Variants in MAST1 observed in about 807,000 individuals in gnomAD.
MAST1 encodes microtubule-associated serine/threonine-protein kinase 1.
MAST1 carries 40 observed loss-of-function variants against 124.6 expected under a neutral mutation model. The observed-to-expected ratio is 0.32, with a 90% confidence interval of 0.25 to 0.42. The LOEUF is 0.42. MAST1 is among the 10% of genes least tolerant of loss of function. MAST1 has a pLI of 1.00. For missense variants in MAST1, 1,558 were observed against 2,181.9 expected (o/e 0.71, Z 5.70); for synonymous variants, 938 against 939.4 (o/e 1.00, Z 0.03).
In MAST1 at chr19:12,871,186, T is replaced by A. The variant is rs775674595; in HGVS notation, c.3263+14T>A. On this transcript the variant is annotated intron_variant, in intron 24 of 25. Coordinates refer to ENST00000251472, the MANE Select transcript of MAST1 (RefSeq NM_014975.3). ...GGGCCAGGAGAGGTGGGCACAGCCG[T>A]AAACAGCCTGGTCTTTGAGCAGTGG... 1.2e-6 allele frequency: 2 copies of A among 1,613,648 alleles called. No homozygotes were observed. Among genetic ancestry groups the A allele is most frequent in the Non-Finnish European group, 1.7e-6 (2 of 1,179,902 alleles).
chr19:12,873,285 T>C (rs1241771761), intron 24 of MAST1, 39 bp from the exon 25 acceptor site: 5 of 1,589,090 alleles, frequency 3.1e-6, no homozygotes, highest in Non-Finnish European at 3.4e-6. Flanking sequence ...AGCTCTGGCG[T>C]CCAGGTCAAG....
chr19:12,845,259 C>T (rs556466833), intron 4 of MAST1, among the ~76,000 whole-genome samples: 1 of 151,432 alleles, frequency 6.6e-6, no homozygotes, highest in African/African-American at 2.4e-5. Context: ...GCCAAGACTG[C>T]ACCACTGCAC....
intron 24 of MAST1, 155 bp from the exon 25 acceptor site, chr19:12,873,169 G>C (rs1970259645): frequency 1.4e-6 from 1 of 695,370 alleles, no homozygotes; most frequent in South Asian, 1.8e-5. Flanking sequence ...GCAGCACTGA[G>C]CTAAAGGAAG....
At chr19:12,869,864 C>T (rs1970209275) in intron 22 of MAST1, among the ~76,000 whole-genome samples, 1 of 151,308 alleles carries the variant, frequency 6.6e-6, no homozygotes, top group Admixed American at 6.6e-5. Context: ...ACTAGCCTGG[C>T]CAATATGGTG....
chr19:12,871,018 C>G lies in MAST1; in HGVS notation c.3127-18C>G, dbSNP rs368421395. ...TGAGCAGCCCCTAGCAGAGCATTTT[C>G]CCGCATTCTTCCCCCAGAGTGGCAA... On this transcript the variant is annotated intron_variant, in intron 23 of 25. Transcript: ENST00000251472. 46 of 1,613,996 alleles carry G rather than the reference C, an allele frequency of 2.9e-5. No homozygotes were observed. Among genetic ancestry groups the G allele is most frequent in the Non-Finnish European group, 3.6e-5 (42 of 1,180,014 alleles).
At chr19:12,864,146 C>T (rs1386084898) in intron 12 of MAST1, among the ~76,000 whole-genome samples, 1 of 151,996 alleles carries the variant, frequency 6.6e-6, no homozygotes, top group Admixed American at 6.6e-5. Context: ...AGGCTGGTCT[C>T]GAACTCCTGA....
Position 12,867,524 on chromosome 19 carries a change from A to G in MAST1, c.2190A>G (p.Val730=). 6.2e-7 allele frequency: 1 copy of G among 1,613,806 alleles called. No homozygotes were observed. Among genetic ancestry groups the G allele is most frequent in the Admixed American group, 1.7e-5 (1 of 60,008 alleles). ...QLSQHEPKTP[V]AAAGSSKREP... Reference sequence around the variant, plus strand: ...CGCAGCACGAGCCCAAGACCCCAGTAGCAGCTGCAGGGAGCAGCAAGCGGG... The same window carrying G: ...CGCAGCACGAGCCCAAGACCCCAGTGGCAGCTGCAGGGAGCAGCAAGCGGG... The change falls in exon 19 of 26, where the codon GTA becomes GTG. Residue 730 remains valine (V), a synonymous_variant. Coordinates refer to ENST00000251472, the MANE Select transcript of MAST1 (RefSeq NM_014975.3).
rs369972111 is a variant in MAST1 at position 12,865,972 on chromosome 19, C to T, written c.1907-8C>T. 6.2e-7 allele frequency: 1 copy of T among 1,613,594 alleles called. No homozygotes were observed. The highest frequency in any genetic ancestry group is 8.5e-7 in the Non-Finnish European group (1 of 1,179,922). ...CATCAGCTGTGGCTGGAATCCCTTC[C>T]GTCCCAGGCGGCGCTTTTGAGGTGA... On this transcript the variant is annotated splice_region_variant and splice_polypyrimidine_tract_variant and intron_variant, in intron 16 of 25. Coordinates refer to ENST00000251472, the MANE Select transcript of MAST1 (RefSeq NM_014975.3). This position sits in a 1 kb window ranked among gnomAD's most constrained non-coding sequence, Gnocchi z 7.1.
At chr19:12,854,392 C>T (rs531749728) in intron 10 of MAST1, among the ~76,000 whole-genome samples, 1 of 152,154 alleles carries the variant, frequency 6.6e-6, no homozygotes, top group African/African-American at 2.4e-5. Context: ...CAAAGTGCTG[C>T]GATTACAGGC....
intron 20 of MAST1, among the ~76,000 whole-genome samples, 158 bp downstream of exon 20, chr19:12,868,135 G>T (rs191508685): frequency 2.6e-4 from 18 of 69,200 alleles, no homozygotes; most frequent in African/African-American, 1.1e-3. Context: ...TTGAGACAGA[G>T]TCTCACTCCA....
chr19:12,861,932 A>T lies in MAST1; in HGVS notation c.1367-2877A>T, dbSNP rs374704594. Among the ~76,000 whole-genome samples the T allele has an allele frequency of 1.5e-4, 22 of 143,114 alleles. No individual in the cohort carries two copies. The East Asian group carries it at 3.7e-3, about 24-fold the overall frequency. 93.9% of individuals were successfully genotyped at this position (143,114 alleles called of 152,430 possible). A position where few individuals can be genotyped will look rare whatever the true frequency, so the allele number is the denominator to read the frequency against. Reference sequence around the variant, plus strand: ...TGGTCAGGCTGGTCTCAAACTCCACACCTCATGATCTGTCTGCCTCGGCCT... The same window carrying T: ...TGGTCAGGCTGGTCTCAAACTCCACTCCTCATGATCTGTCTGCCTCGGCCT... On this transcript the variant is annotated intron_variant, in intron 12 of 25. Transcript: ENST00000251472.
In MAST1 at chr19:12,843,328, G is replaced by A. The variant is rs546233358; in HGVS notation, c.249-201G>A. ...GGACCGTGGGGAGGAGAGTGGAGAC[G>A]GATCCTCCCTCCAATTCCCGGTGCC... On this transcript the variant is annotated intron_variant, in intron 3 of 25. Coordinates refer to ENST00000251472, the MANE Select transcript of MAST1 (RefSeq NM_014975.3). The surrounding 1 kb of genome is among the most constrained non-coding windows in gnomAD (Gnocchi z 4.9). 1.3e-5 allele frequency among the ~76,000 whole-genome samples: 2 copies of A among 152,054 alleles called. No homozygotes were observed. The highest frequency in any genetic ancestry group is 1.9e-4 in the East Asian group (1 of 5,166).
chr19:12,869,716 G>C (rs150009894), intron 22 of MAST1, among the ~76,000 whole-genome samples: 1 of 151,826 alleles, frequency 6.6e-6, no homozygotes, highest in Admixed American at 6.6e-5. Flanking sequence ...GATTACAGGC[G>C]TGAGCCACGG....
At chr19:12,861,319 C>T (rs538713718) in intron 12 of MAST1, among the ~76,000 whole-genome samples, 1 of 152,198 alleles carries the variant, frequency 6.6e-6, no homozygotes, top group South Asian at 2.1e-4. Context: ...CCACCTTGGC[C>T]TCCCAAAGTG....
chr19:12,855,853 A>G (rs1161348303), intron 10 of MAST1, among the ~76,000 whole-genome samples: 1 of 151,994 alleles, frequency 6.6e-6, no homozygotes. Context: ...CCATCTCCCT[A>G]TTCATTTATC....
chr19:12,867,491 G>A lies in MAST1; in HGVS notation c.2157G>A (p.Glu719=). The A allele has an allele frequency of 3.1e-6, 5 of 1,613,572 alleles. No individual in the cohort carries two copies. Among genetic ancestry groups the A allele is most frequent in the Non-Finnish European group, 4.2e-6 (5 of 1,180,004 alleles). The part of the protein sequence containing the change: ...PRFSKVYSSM[E]QLSQHEPKTP... ...ACCTACAGGTGTATAGCAGCATGGA[G>A]CAGCTGTCGCAGCACGAGCCCAAGA... is the stretch of plus-strand genomic sequence containing the variant. Residue 719 remains glutamate (E), a synonymous_variant, in exon 19 of 26, where the codon GAG becomes GAA. Coordinates refer to ENST00000251472, the MANE Select transcript of MAST1 (RefSeq NM_014975.3).
intron 20 of MAST1, 56 bp downstream of exon 20, chr19:12,868,033 A>T: frequency 6.7e-7 from 1 of 1,482,894 alleles, no homozygotes; most frequent in South Asian, 1.4e-5. Context: ...TACTGGTCAT[A>T]TAGTGAGCAT....
At position 12,851,882 on chromosome 19, in the gene MAST1, G is replaced by A. The variant is rs75158588; in HGVS notation, c.775-52G>A. ...ACTCTGAGGGGCTGAGAGAGGGGCC[G>A]GGCTGAGGCAGAGTGCCTATGAGCC... is the stretch of plus-strand genomic sequence containing the variant. On this transcript the variant is annotated intron_variant, in intron 7 of 25. Transcript: ENST00000251472. The A allele has an allele frequency of 1.7e-4, 246 of 1,423,090 alleles. No homozygotes were observed. The East Asian group carries it at 2.9e-3, about 17-fold the overall frequency. 88.2% of individuals were successfully genotyped at this position (1,423,090 alleles called of 1,614,324 possible).
intron 24 of MAST1, among the ~76,000 whole-genome samples, chr19:12,872,027 T>C (rs186535113): frequency 7.5e-4 from 114 of 151,098 alleles, no homozygotes; most frequent in African/African-American, 2.7e-3. Context: ...GTCTTGCACA[T>C]ATAGGCAGGC....
Sources: gnomAD v4.1 joint callset for allele counts (sites outside exome capture counted in the v4.1 genomes callset) on GRCh38, gnomAD v4.1.1 for gene constraint, Gnocchi (gnomAD v3.1) non-coding constraint, MANE v1.5 for transcripts, NCBI Gene and HGNC (gene_info 2026-07-23, HGNC 2026-07-21) for gene names.